The following AGBL1 variants were observed in gnomAD, a reference collection of about 807,000 sequenced individuals.
AGBL1 encodes the protein cytosolic carboxypeptidase 4.
A neutral mutation model predicts 118.9 loss-of-function variants in AGBL1; 130 were observed. That is an observed-to-expected ratio of 1.09 (90% CI 0.95 to 1.26). The LOEUF is 1.26. Among genes scored for constraint, AGBL1 ranks in the 50% most tolerant of loss-of-function variants. AGBL1 has a pLI of 0.00. For synonymous variants in AGBL1, 555 were observed against 478.9 expected (o/e 1.16, Z -2.08); for missense variants, 1,584 against 1,298.1 (o/e 1.22, Z -3.38).
chr15:86,523,514 T>C (rs1294287151), intron 19 of AGBL1, among the ~76,000 whole-genome samples: 1 of 152,136 alleles, frequency 6.6e-6, no homozygotes, highest in African/African-American at 2.4e-5. Context: ...GGGGACACAA[T>C]TGACCCCACA....
intron 18 of AGBL1, among the ~76,000 whole-genome samples, chr15:86,409,395 A>G (rs1235766799): frequency 6.6e-6 from 1 of 152,162 alleles, no homozygotes; most frequent in Non-Finnish European, 1.5e-5. Flanking sequence ...ATAGTGTTAA[A>G]TGATGCATAG....
intron 17 of AGBL1, among the ~76,000 whole-genome samples, chr15:86,311,501 A>AT (rs1001217893): frequency 4.0e-5 from 6 of 151,720 alleles, no homozygotes; most frequent in South Asian, 2.1e-4. Flanking sequence ...GGTTCTTGGA[A>AT]TTTTTTTTTC....
chr15:86,508,189 T>C (rs2083003861), intron 18 of AGBL1, among the ~76,000 whole-genome samples: 1 of 151,972 alleles, frequency 6.6e-6, no homozygotes, highest in African/African-American at 2.4e-5. Flanking sequence ...CCCAAAGTGC[T>C]GGGATTACAG....
intron 22 of AGBL1, among the ~76,000 whole-genome samples, chr15:86,869,073 T>G (rs995456750): frequency 2.0e-5 from 3 of 152,338 alleles, no homozygotes; most frequent in Non-Finnish European, 4.4e-5. Context: ...ACTGCCTTGG[T>G]GGCAGGGTGA....
At chr15:86,971,347 C>G (rs936486269) in intron 23 of AGBL1, among the ~76,000 whole-genome samples, 1 of 151,986 alleles carries the variant, frequency 6.6e-6, no homozygotes. Context: ...TGTGGTGAGA[C>G]ATTAATTGCC....
At chr15:86,335,427 C>G (rs1487866682) in intron 17 of AGBL1, among the ~76,000 whole-genome samples, 1 of 152,098 alleles carries the variant, frequency 6.6e-6, no homozygotes, top group African/African-American at 2.4e-5. Flanking sequence ...TGTGACCCAC[C>G]ATGCCTGGCC....
chr15:87,025,556 T>A (rs1344127494), intron 24 of AGBL1, among the ~76,000 whole-genome samples: 1 of 151,958 alleles, frequency 6.6e-6, no homozygotes, highest in African/African-American at 2.4e-5. Context: ...ATCAATATTG[T>A]GAAAATAACG....
At chr15:86,953,100 T>C (rs2080896042) in intron 23 of AGBL1, among the ~76,000 whole-genome samples, 1 of 152,218 alleles carries the variant, frequency 6.6e-6, no homozygotes, top group Non-Finnish European at 1.5e-5. Flanking sequence ...TGGGGTAGTA[T>C]GATGCCTCCA....
chr15:86,669,890 T>C lies in AGBL1; in HGVS notation c.2995-4383T>C, dbSNP rs118106266. Among the ~76,000 whole-genome samples, 1,019 of 152,268 alleles carry C rather than the reference T, an allele frequency of 6.7e-3. 8 individuals are homozygous for C. Among genetic ancestry groups the C allele is most frequent in the East Asian group, 0.02 (106 of 5,178 alleles). ...CATCACCTCTGCTTTCATTGCCAAA[T>C]CTTTGGCATAAATTGTGTGACTGCC... On this transcript the variant is annotated intron_variant, in intron 21 of 22. Transcript: ENST00000614907.
intron 21 of AGBL1, among the ~76,000 whole-genome samples, chr15:86,649,092 G>A (rs2085330182): frequency 6.6e-6 from 1 of 152,156 alleles, no homozygotes; most frequent in Non-Finnish European, 1.5e-5. Context: ...GTGTGGAAGA[G>A]AGGCAAGAAT....
At chr15:86,230,217 C>T (rs867681621) in intron 6 of AGBL1, among the ~76,000 whole-genome samples, 3 of 152,162 alleles carry the variant, frequency 2.0e-5, no homozygotes, top group South Asian at 4.1e-4. Context: ...CAGGAACAGA[C>T]AGCCTCATAG....
chr15:86,442,032 G>A (rs1204939642), intron 18 of AGBL1, among the ~76,000 whole-genome samples: 11 of 152,208 alleles, frequency 7.2e-5, no homozygotes, highest in Non-Finnish European at 2.9e-5. Context: ...GGAACTTTAC[G>A]AGCCCAATAC....
intron 21 of AGBL1, among the ~76,000 whole-genome samples, chr15:86,576,658 C>G (rs1663533006): frequency 1.3e-5 from 2 of 152,170 alleles, no homozygotes. Flanking sequence ...TGTCCTCACC[C>G]AAATCTCACC....
chr15:86,590,499 C>A (rs1225633702), intron 21 of AGBL1, among the ~76,000 whole-genome samples: 2 of 152,170 alleles, frequency 1.3e-5, no homozygotes, highest in African/African-American at 4.8e-5. Flanking sequence ...GCCTCCTCAG[C>A]CATGCTAAAC....
intron 23 of AGBL1, among the ~76,000 whole-genome samples, chr15:86,953,096 A>G (rs1391546901): frequency 1.3e-5 from 2 of 152,204 alleles, no homozygotes; most frequent in African/African-American, 2.4e-5. Context: ...GAAGTGGGGT[A>G]GTATGATGCC....
At chr15:86,128,892 TA>T (rs1227010325) in intron 1 of AGBL1, among the ~76,000 whole-genome samples, 1 of 152,320 alleles carries the variant, frequency 6.6e-6, no homozygotes, top group East Asian at 1.9e-4. Flanking sequence ...CTTACTGACC[TA>T]TTTACAACCG....
At chr15:86,617,806 C>T (rs1029336485) in intron 21 of AGBL1, among the ~76,000 whole-genome samples, 11 of 149,772 alleles carry the variant, frequency 7.3e-5, no homozygotes, top group Admixed American at 2.7e-4. Flanking sequence ...CCAGCCAGAG[C>T]GAGAGAGAAA....
At chr15:86,470,431 C>G (rs1233320316) in intron 18 of AGBL1, among the ~76,000 whole-genome samples, 4 of 152,038 alleles carry the variant, frequency 2.6e-5, no homozygotes, top group Non-Finnish European at 4.4e-5. Context: ...GTCTGTATGT[C>G]TATTTTTATG....
At chr15:86,166,280 C>G (rs1463511682) in intron 5 of AGBL1, among the ~76,000 whole-genome samples, 1 of 152,210 alleles carries the variant, frequency 6.6e-6, no homozygotes, top group African/African-American at 2.4e-5. Flanking sequence ...TTGGGGACCT[C>G]AAGTTGCCGA....
Sources: allele counts gnomAD v4.1 joint callset (sites outside exome capture counted in the v4.1 genomes callset), GRCh38; gene constraint gnomAD v4.1.1; transcripts MANE v1.5; gene names NCBI Gene and HGNC (gene_info 2026-07-23, HGNC 2026-07-21).